Variants in VPS51 observed in about 807,000 individuals in gnomAD.
VPS51 encodes VPS51 subunit of GARP complex, also known as vacuolar protein sorting-associated protein 51 homolog.
Under a neutral mutation model 65.1 loss-of-function variants are expected in VPS51, and 55 were observed. The ratio of observed to expected loss-of-function variants is 0.84; its 90% CI spans 0.68 to 1.06. VPS51 has a LOEUF of 1.06. Ranked by LOEUF, VPS51 falls within the 50% of genes least tolerant of loss-of-function variation. VPS51 has a pLI of 0.00. For missense variants in VPS51, 943 were observed against 1,101.6 expected (o/e 0.86, Z 2.04); for synonymous variants, 473 against 489.5 (o/e 0.97, Z 0.44).
intron 2 of VPS51, among the ~76,000 whole-genome samples, chr11:65,104,578 A>G (rs1947829855): frequency 6.6e-6 from 1 of 152,212 alleles, no homozygotes. Flanking sequence ...TCATGAAACA[A>G]AAACCCTTTT....
At position 65,107,427 on chromosome 11, in the gene VPS51, T is replaced by A; in HGVS notation, c.359-154T>A. ...CCCCCTCCCCCGCCCCCATGTGCGC[T>A]GTGACCCACGCCCTCGCAGTCCTTT... On this transcript the variant is annotated intron_variant, in intron 2 of 9. Transcript: ENST00000279281. The surrounding 1 kb of genome is among the most constrained non-coding windows in gnomAD (Gnocchi z 4.0). 4 of 843,984 alleles carry A rather than the reference T, an allele frequency of 4.7e-6. No homozygotes were observed. The highest frequency in any genetic ancestry group is 7.3e-6 in the Non-Finnish European group (4 of 550,874). 52.3% of individuals were successfully genotyped at this position (843,984 alleles called of 1,614,324 possible).
At chr11:65,096,556 C>A in intron 1 of VPS51, 78 bp downstream of exon 1, 1 of 1,265,142 alleles carries the variant, frequency 7.9e-7, no homozygotes, top group Non-Finnish European at 1.1e-6. Context: ...TCCCCCAGAT[C>A]ATGCCTCCGA....
Position 65,108,254 on chromosome 11 carries a change from G to C in VPS51, c.783G>C (p.Leu261=). ...QAECVELLLA[L]GEPAEELCEE... ...AGTGCGTGGAGCTGCTGCTGGCCCT[G>C]GGCGAGCCTGCGGAGGAGCTGTGCG... The change falls in exon 5 of 10, where the codon CTG becomes CTC. Residue 261 remains leucine (L), a synonymous_variant. Transcript: ENST00000279281. 6.3e-7 allele frequency: 1 copy of C among 1,598,446 alleles called. No homozygotes were observed. The highest frequency in any genetic ancestry group is 1.3e-5 in the African/African-American group (1 of 74,790).
In VPS51 at chr11:65,096,422, C is replaced by T. The variant is rs1291643352; in HGVS notation, c.172C>T (p.Leu58=). 6.4e-7 allele frequency: 1 copy of T among 1,551,290 alleles called. No homozygotes were observed. The highest frequency in any genetic ancestry group is 2.4e-5 in the East Asian group (1 of 41,128). The stretch of plus-strand genomic sequence containing the variant: ...GGGACGCCCCGCGGGGCCCGACCCC[C>T]TGGACCCGACTGATCTGAACGGGGC... ...AAGRPAGPDP[L]DPTDLNGAHF... is the part of the protein sequence containing the mutation. The change falls in exon 1 of 10, where the codon CTG becomes TTG. Residue 58 remains leucine, a synonymous_variant. Coordinates refer to ENST00000279281, the MANE Select transcript of VPS51 (RefSeq NM_013265.4).
Position 65,096,497 on chromosome 11 carries a change from T to TTG in VPS51, c.228+19_228+20insTG. On this transcript the variant is annotated intron_variant, in intron 1 of 9. Coordinates refer to ENST00000279281, the MANE Select transcript of VPS51 (RefSeq NM_013265.4). Reference sequence around the variant, plus strand: ...AGACAAGGTGTGTGCGCACGGGGAGTGGGGGGGTGCGGGGAGGGGGGAAGG... The same window carrying TTG: ...AGACAAGGTGTGTGCGCACGGGGAGTTGGGGGGGGTGCGGGGAGGGGGGAAGG... 7 of 628,456 alleles carry TTG rather than the reference T, an allele frequency of 1.1e-5. No homozygotes were observed. Among genetic ancestry groups the TTG allele is most frequent in the Non-Finnish European group, 1.7e-5 (7 of 409,782 alleles). 38.9% of individuals were successfully genotyped at this position (628,456 alleles called of 1,614,324 possible). A position where few individuals can be genotyped will look rare whatever the true frequency, so the allele number is the denominator to read the frequency against.
At chr11:65,102,072 T>G (rs1054444289) in intron 2 of VPS51, among the ~76,000 whole-genome samples, 1 of 146,352 alleles carries the variant, frequency 6.8e-6, no homozygotes, top group East Asian at 2.0e-4. Context: ...CAGGCTAGAG[T>G]GCAGTGGCCC....
In VPS51 at chr11:65,111,319, G is replaced by A. The variant is rs1358100803; in HGVS notation, c.2089-8G>A. ...CCCCAAGCTGCATCCCTGTGTCCCT[G>A]CCTGCAGGTGTCGGTGCTGACCGGC... is the stretch of plus-strand genomic sequence containing the variant. On this transcript the variant is annotated splice_polypyrimidine_tract_variant and splice_region_variant and intron_variant, in intron 9 of 9. Coordinates refer to ENST00000279281, the MANE Select transcript of VPS51 (RefSeq NM_013265.4). 6.2e-7 allele frequency: 1 copy of A among 1,601,344 alleles called. No homozygotes were observed. Among genetic ancestry groups the A allele is most frequent in the Non-Finnish European group, 8.5e-7 (1 of 1,179,672 alleles).
chr11:65,103,716 G>A (rs888488412), intron 2 of VPS51, among the ~76,000 whole-genome samples: 1 of 152,106 alleles, frequency 6.6e-6, no homozygotes, highest in Non-Finnish European at 1.5e-5. Context: ...CACAGACCAG[G>A]TGTGGGTGTG....
At chr11:65,110,407 G>A in intron 7 of VPS51, 75 bp from the exon 8 acceptor site, 2 of 1,608,176 alleles carry the variant, frequency 1.2e-6, no homozygotes, top group Non-Finnish European at 8.5e-7. Flanking sequence ...AGCTGACTTA[G>A]GGCATCCTCA....
chr11:65,096,394 G>A lies in VPS51; in HGVS notation c.144G>A (p.Ala48=). The A allele has an allele frequency of 6.5e-7, 1 of 1,532,838 alleles. No individual in the cohort carries two copies. Among genetic ancestry groups the A allele is most frequent in the South Asian group, 1.2e-5 (1 of 81,170 alleles). 95.0% of individuals were successfully genotyped at this position (1,532,838 alleles called of 1,614,324 possible). A position where few individuals can be genotyped will look rare whatever the true frequency, so the allele number is the denominator to read the frequency against. Residue 48 remains alanine (A), a synonymous_variant, in exon 1 of 10, where the codon GCG becomes GCA. Transcript: ENST00000279281. The part of the protein sequence containing the change: ...KLYYGLSEGE[A]AGRPAGPDPL... ...ACTACGGCCTCTCGGAAGGGGAGGC[G>A]GCGGGACGCCCCGCGGGGCCCGACC... is the stretch of plus-strand genomic sequence containing the variant.
At position 65,110,690 on chromosome 11, in the gene VPS51, C is replaced by T. The variant is rs765999477; in HGVS notation, c.2001-4C>T. The T allele has an allele frequency of 1.9e-6, 3 of 1,614,184 alleles. No individual in the cohort carries two copies. The highest frequency in any genetic ancestry group is 2.2e-5 in the East Asian group (1 of 44,882). ...GCTCTGATTCCTTGTCTTCCCCAAT[C>T]CAGTGCCCCGATGGACACCAACCTC... On this transcript the variant is annotated splice_polypyrimidine_tract_variant and splice_region_variant and intron_variant, in intron 8 of 9. Coordinates refer to ENST00000279281, the MANE Select transcript of VPS51 (RefSeq NM_013265.4).
chr11:65,110,554 T>C lies in VPS51; in HGVS notation c.1951T>C (p.Tyr651His). The change falls in exon 8 of 10, where the codon TAC (tyrosine) becomes CAC (histidine). Residue 651 changes from tyrosine to histidine, a missense_variant. Physicochemically the swap from Tyr to His is moderately conservative, Grantham distance 83. Around this residue, in one of 2 missense-constraint regions of VPS51, gnomAD observed 855 missense variants for 953.7 expected, o/e 0.90. Coordinates refer to ENST00000279281, the MANE Select transcript of VPS51 (RefSeq NM_013265.4). The part of the protein sequence containing the change: ...SDSSKRTFSV[Y>H]SSSRQQGRYA... ...CTCCAGCAAGAGGACTTTCTCCGTGTACAGCAGCTCTCGGCAGCAGGGCCG... is the reference window on the plus strand; with the variant it reads ...CTCCAGCAAGAGGACTTTCTCCGTGCACAGCAGCTCTCGGCAGCAGGGCCG... 1 of 1,614,020 alleles carries C rather than the reference T, an allele frequency of 6.2e-7. No individual in the cohort carries two copies. The highest frequency in any genetic ancestry group is 8.5e-7 in the Non-Finnish European group (1 of 1,180,012).
At chr11:65,110,135 G>C in intron 7 of VPS51, 1 of 638,748 alleles carries the variant, frequency 1.6e-6, no homozygotes, top group Admixed American at 2.9e-5. Context: ...AAACGGGCTG[G>C]GGAGTGCCTA....
At chr11:65,099,205 GT>G (rs1208370799) in intron 2 of VPS51, among the ~76,000 whole-genome samples, 2 of 152,128 alleles carry the variant, frequency 1.3e-5, no homozygotes, top group Non-Finnish European at 2.9e-5. Context: ...CATGGAGTGT[GT>G]GTTGATTGGG....
rs200135631 is a variant in VPS51 at position 65,108,068 on chromosome 11, C to A, written c.725+46C>A. The A allele has an allele frequency of 3.4e-5, 50 of 1,490,826 alleles. No homozygotes were observed. In the African/African-American group the frequency reaches 6.7e-4, roughly 20 times the overall value. The allele number at this position is 1,490,826 out of a possible 1,614,324, so 92.3% of individuals were successfully genotyped here. A position where few individuals can be genotyped will look rare whatever the true frequency, so the allele number is the denominator to read the frequency against. On this transcript the variant is annotated intron_variant, in intron 4 of 9. Coordinates refer to ENST00000279281, the MANE Select transcript of VPS51 (RefSeq NM_013265.4). ...CCCCAGCGCTCCCGCCAGCCCCGAG[C>A]CCCATCTGTGCCCGGCTCCTGGGCC...
chr11:65,107,679 A>G lies in VPS51; in HGVS notation c.457A>G (p.Ile153Val). 24 of 1,610,418 alleles carry G rather than the reference A, an allele frequency of 1.5e-5. No individual in the cohort carries two copies. The highest frequency in any genetic ancestry group is 2.0e-5 in the Non-Finnish European group (24 of 1,177,708). The change falls in exon 3 of 10, where the codon ATC becomes GTC. Residue 153 changes from isoleucine (I) to valine (V), a missense_variant. Coordinates refer to ENST00000279281, the MANE Select transcript of VPS51 (RefSeq NM_013265.4). This position sits in a 1 kb window ranked among gnomAD's most constrained non-coding sequence, Gnocchi z 4.0. The stretch of plus-strand genomic sequence containing the variant: ...AGTGATCACCGACTTCAGCGCTCGC[A>G]TCAGCGCCACGCTGCAGGACCGCCA... The part of the protein sequence containing the change: ...MAVITDFSAR[I>V]SATLQDRHER...
intron 1 of VPS51, 40 bp downstream of exon 1, chr11:65,096,518 G>GGGGGGGGGGAGGGGGC: frequency 2.0e-6 from 1 of 499,410 alleles, no homozygotes; most frequent in Non-Finnish European, 3.7e-6. Flanking sequence ...GGGGAGGGGG[G>GGGGGGGGGGAGGGGGC]AAGGGAACCA....
chr11:65,111,803 C>T lies in VPS51; in HGVS notation c.*216C>T. On this transcript the variant is annotated 3_prime_UTR_variant, in exon 10 of 10. Coordinates refer to ENST00000279281, the MANE Select transcript of VPS51 (RefSeq NM_013265.4). Reference sequence around the variant, plus strand: ...GGGTCCGCCCCCGAGCGCCGATTGGCTGGTGTGCTGGGCCCAGCATGGGCA... The same window carrying T: ...GGGTCCGCCCCCGAGCGCCGATTGGTTGGTGTGCTGGGCCCAGCATGGGCA... The T allele has an allele frequency of 1.0e-6, 1 of 957,850 alleles. No homozygotes were observed. Among genetic ancestry groups the T allele is most frequent in the South Asian group, 1.7e-5 (1 of 57,938 alleles). The allele number at this position is 957,850 out of a possible 1,614,324, so 59.3% of individuals were successfully genotyped here.
chr11:65,110,799 A>G lies in VPS51; in HGVS notation c.2088+18A>G. 5.0e-6 allele frequency: 8 copies of G among 1,613,920 alleles called. No individual in the cohort carries two copies. The highest frequency in any genetic ancestry group is 6.8e-6 in the Non-Finnish European group (8 of 1,179,940). ...TCAACAAGGTCCGACTTCCAACGTG[A>G]CTCAGACTTCCAGGGATCCCGGGGA... On this transcript the variant is annotated intron_variant, in intron 9 of 9. Transcript: ENST00000279281.
Sources: allele counts gnomAD v4.1 joint callset (sites outside exome capture counted in the v4.1 genomes callset), GRCh38; gene constraint gnomAD v4.1.1; regional missense constraint gnomAD v4.1.1; non-coding constraint Gnocchi (gnomAD v3.1); transcripts MANE v1.5; gene names NCBI Gene and HGNC (gene_info 2026-07-23, HGNC 2026-07-21).